The following CSMD1 variants were observed in gnomAD, a reference collection of about 807,000 sequenced individuals.
The protein encoded by CSMD1 is CUB and sushi domain-containing protein 1.
In CSMD1, 213 loss-of-function variants were observed where a neutral mutation model predicts 417.5. The observed-to-expected ratio is 0.51, with a 90% CI of 0.46 to 0.57. The LOEUF is 0.57. CSMD1 is among the 20% of genes least tolerant of loss of function. The probability of loss-of-function intolerance (pLI) is 0.00; values close to 1 mark genes in which losing one functional copy is unlikely to be tolerated. For missense variants in CSMD1, 6,923 were observed against 4,529.7 expected (o/e 1.53, Z -15.17); for synonymous variants, 2,862 against 1,736.8 (o/e 1.65, Z -16.11).
chr8:3,111,878 C>G (rs1816542228), intron 42 of CSMD1, among the ~76,000 whole-genome samples: 1 of 152,090 alleles, frequency 6.6e-6, no homozygotes, highest in Non-Finnish European at 1.5e-5. Flanking sequence ...GTCCCCATAA[C>G]AAGCTACTTT....
intron 1 of CSMD1, among the ~76,000 whole-genome samples, chr8:4,957,513 T>C (rs1451608524): frequency 6.6e-6 from 1 of 152,200 alleles, no homozygotes; most frequent in Non-Finnish European, 1.5e-5. Context: ...CTACTTCTTA[T>C]CAACTTTTCT....
At chr8:4,820,035 T>G (rs1289455772) in intron 1 of CSMD1, among the ~76,000 whole-genome samples, 2 of 152,204 alleles carry the variant, frequency 1.3e-5, no homozygotes, top group African/African-American at 4.8e-5. Context: ...AATTCCATGC[T>G]TCTCTTCCTG....
intron 1 of CSMD1, among the ~76,000 whole-genome samples, chr8:4,802,772 C>T (rs569509339): frequency 3.7e-4 from 57 of 152,280 alleles, no homozygotes; most frequent in Non-Finnish European, 6.9e-4. Flanking sequence ...TACTCATTCT[C>T]GCTTCCTGAC....
intron 8 of CSMD1, among the ~76,000 whole-genome samples, chr8:3,596,643 T>A (rs952461217): frequency 1.3e-5 from 2 of 152,200 alleles, no homozygotes; most frequent in Non-Finnish European, 2.9e-5. Flanking sequence ...CAATTTTTTT[T>A]ATTTATCCTT....
At chr8:4,730,706 A>G (rs1170244420) in intron 1 of CSMD1, among the ~76,000 whole-genome samples, 1 of 151,998 alleles carries the variant, frequency 6.6e-6, no homozygotes, top group Non-Finnish European at 1.5e-5. Flanking sequence ...GTGCCACTGC[A>G]CTCCAGCCTG....
intron 3 of CSMD1, among the ~76,000 whole-genome samples, chr8:4,242,676 C>A (rs148248542): frequency 2.0e-5 from 3 of 151,830 alleles, no homozygotes; most frequent in African/African-American, 7.2e-5. Flanking sequence ...GTTCACAGAC[C>A]CCAATCCAGG....
chr8:4,000,162 A>G lies in CSMD1; in HGVS notation c.611-2052T>C, dbSNP rs189673547. ...CACACTTCCCTGGTCAACTGAGAAC[A>G]AGCTGCACAACTGCCCAGCTCGCCG... On this transcript the variant is annotated intron_variant, in intron 4 of 69. Transcript: ENST00000635120. Among the ~76,000 whole-genome samples, 559 of 118,160 alleles carry G rather than the reference A, an allele frequency of 4.7e-3. 3 individuals are homozygous for G. Among genetic ancestry groups the G allele is most frequent in the Middle Eastern group, 0.031 (6 of 192 alleles). The allele number at this position is 118,160 out of a possible 152,430, so 77.5% of individuals were successfully genotyped here.
At chr8:4,226,344 A>C (rs557925576) in intron 3 of CSMD1, among the ~76,000 whole-genome samples, 1 of 152,338 alleles carries the variant, frequency 6.6e-6, no homozygotes, top group African/African-American at 2.4e-5. Flanking sequence ...CTACTTAAAA[A>C]TGTATTTATC....
intron 1 of CSMD1, among the ~76,000 whole-genome samples, chr8:4,899,876 G>C (rs774597383): frequency 4.6e-5 from 7 of 152,100 alleles, no homozygotes; most frequent in Non-Finnish European, 1.0e-4. Context: ...GACATACCTG[G>C]GGACAAGCCT....
At chr8:3,363,257 G>A (rs1809318602) in intron 20 of CSMD1, among the ~76,000 whole-genome samples, 1 of 152,098 alleles carries the variant, frequency 6.6e-6, no homozygotes, top group Non-Finnish European at 1.5e-5. Context: ...TCTGTCCCAG[G>A]TACTCATGAC....
intron 3 of CSMD1, among the ~76,000 whole-genome samples, chr8:4,099,816 G>C (rs1445589937): frequency 6.6e-6 from 1 of 152,106 alleles, no homozygotes; most frequent in Non-Finnish European, 1.5e-5. Context: ...TTAAATCCCT[G>C]ATTGTATCCA....
chr8:4,180,134 T>G (rs1205910057), intron 3 of CSMD1, among the ~76,000 whole-genome samples: 2 of 152,090 alleles, frequency 1.3e-5, no homozygotes, highest in Admixed American at 6.5e-5. Flanking sequence ...ACACATATGT[T>G]TACTGCGGCA....
chr8:4,673,121 C>G (rs1002327778), intron 1 of CSMD1, among the ~76,000 whole-genome samples: 2 of 151,998 alleles, frequency 1.3e-5, no homozygotes, highest in African/African-American at 2.4e-5. Flanking sequence ...ACACACACAT[C>G]TGTAGCAAAC....
chr8:4,077,386 A>G (rs1381770751), intron 3 of CSMD1, among the ~76,000 whole-genome samples: 3 of 148,808 alleles, frequency 2.0e-5, no homozygotes, highest in Non-Finnish European at 4.4e-5. Flanking sequence ...ATGGTTCCTC[A>G]GTCTTTTATT....
chr8:4,060,198 G>C (rs1273549880), intron 3 of CSMD1, among the ~76,000 whole-genome samples: 4 of 151,190 alleles, frequency 2.6e-5, no homozygotes, highest in African/African-American at 7.3e-5. Context: ...AAAACCACAT[G>C]ATTATTTCAA....
At chr8:4,840,311 T>C (rs955431321) in intron 1 of CSMD1, among the ~76,000 whole-genome samples, 4 of 152,198 alleles carry the variant, frequency 2.6e-5, no homozygotes, top group Non-Finnish European at 5.9e-5. Context: ...TTCCACCTTC[T>C]ATTCAGCACA....
chr8:3,940,023 T>G (rs1810768477), intron 5 of CSMD1, among the ~76,000 whole-genome samples: 1 of 151,968 alleles, frequency 6.6e-6, no homozygotes, highest in Non-Finnish European at 1.5e-5. Flanking sequence ...AAAAAATAAA[T>G]CCATGTTTTA....
chr8:4,964,452 G>A (rs186700021), intron 1 of CSMD1, among the ~76,000 whole-genome samples: 1 of 144,340 alleles, frequency 6.9e-6, no homozygotes, highest in Non-Finnish European at 1.5e-5. Flanking sequence ...CCAGGAGGTC[G>A]AGGCTGCAGT....
intron 5 of CSMD1, among the ~76,000 whole-genome samples, chr8:3,995,342 T>C (rs1425321737): frequency 1.3e-5 from 2 of 152,124 alleles, no homozygotes; most frequent in African/African-American, 2.4e-5. Flanking sequence ...ATACTTCTTT[T>C]GACTATTATG....
Sources: allele counts gnomAD v4.1 joint callset (sites outside exome capture counted in the v4.1 genomes callset), GRCh38; gene constraint gnomAD v4.1.1; transcripts MANE v1.5; gene names NCBI Gene and HGNC (gene_info 2026-07-23, HGNC 2026-07-21).